Variants in PTPN3 observed in about 807,000 individuals in gnomAD.
PTPN3 encodes the protein tyrosine-protein phosphatase non-receptor type 3.
PTPN3 carries 96 observed loss-of-function variants against 132.7 expected under a neutral mutation model. The ratio of observed to expected loss-of-function variants is 0.72; its 90% confidence interval spans 0.61 to 0.86. The LOEUF (loss-of-function observed/expected upper bound fraction) is 0.86, where lower values mean the gene tolerates loss of function less well. Ranked by LOEUF, PTPN3 falls within the 40% of genes least tolerant of loss-of-function variation. PTPN3 has a pLI of 0.00. For synonymous variants in PTPN3, 398 were observed against 429.0 expected, an observed-to-expected ratio of 0.93 and a Z score of 0.89; for missense variants, 1,125 against 1,159.6, an observed-to-expected ratio of 0.97 and a Z score of 0.43.
Position 109,479,608 on chromosome 9 carries a change from C to T in PTPN3, c.-17-16157G>A, listed in dbSNP as rs143321919. Among the ~76,000 whole-genome samples the T allele has an allele frequency of 7.8e-4, 119 of 152,320 alleles. No homozygotes were observed. The Middle Eastern group carries it at 0.01, about 13-fold the overall frequency. ...TAAAATTTTTTTGAGACACAGTCTT[C>T]CTCTGTTGCCCAGGCTGGAGTGCAA... On this transcript the variant is annotated intron_variant, in intron 1 of 25. Transcript: ENST00000374541.
chr9:109,514,721 T>G, the PTPN3 span, among the ~76,000 whole-genome samples: 1 of 152,202 alleles, frequency 6.6e-6, no homozygotes, highest in Non-Finnish European at 1.5e-5. Context: ...CTATGTGACT[T>G]TGCAGTTCCT....
the PTPN3 span, among the ~76,000 whole-genome samples, chr9:109,517,414 A>G: frequency 6.6e-6 from 1 of 152,226 alleles, no homozygotes; most frequent in African/African-American, 2.4e-5. Context: ...GAATTAACCA[A>G]GTTAAGAATT....
At position 109,409,985 on chromosome 9, in the gene PTPN3, A is replaced by C; in HGVS notation, c.1578+14T>G. On this transcript the variant is annotated intron_variant, in intron 16 of 25. Transcript: ENST00000374541. ...TTCCCAGCACAAAACTTCCTTTATA[A>C]ATACACAACATACCTTAAGATTAAA... is the stretch of plus-strand genomic sequence containing the variant. 6.2e-7 allele frequency: 1 copy of C among 1,612,864 alleles called. No homozygotes were observed. The highest frequency in any genetic ancestry group is 8.5e-7 in the Non-Finnish European group (1 of 1,179,392).
At chr9:109,384,121 G>A (rs1028546614) in intron 22 of PTPN3, among the ~76,000 whole-genome samples, 22 of 152,150 alleles carry the variant, frequency 1.4e-4, no homozygotes, top group African/African-American at 4.8e-4. Flanking sequence ...AGATGGAGGT[G>A]GCTCCTGCCT....
intron 1 of PTPN3, among the ~76,000 whole-genome samples, chr9:109,493,245 A>AAAAC (rs141159233): frequency 2.6e-5 from 4 of 152,192 alleles, no homozygotes; most frequent in Non-Finnish European, 5.9e-5. Flanking sequence ...CTATATTTAA[A>AAAAC]AAACAAACAA....
At chr9:109,463,583 G>C (rs1385641839) in intron 1 of PTPN3, 132 bp from the exon 2 acceptor site, 1 of 724,824 alleles carries the variant, frequency 1.4e-6, no homozygotes, top group East Asian at 3.1e-5. Context: ...CTACATAGCA[G>C]ATCATGTTTC....
chr9:109,409,509 T>G (rs1841897930), intron 16 of PTPN3, among the ~76,000 whole-genome samples: 1 of 152,148 alleles, frequency 6.6e-6, no homozygotes, highest in African/African-American at 2.4e-5. Context: ...CTTCGGCAGC[T>G]GTTAAGGCCA....
intron 1 of PTPN3, 145 bp from the exon 2 acceptor site, chr9:109,463,596 A>G: frequency 1.5e-6 from 1 of 673,418 alleles, no homozygotes; most frequent in South Asian, 3.4e-5. Flanking sequence ...CATGTTTCCA[A>G]TTGAGTTTTG....
rs1845614034 is a variant in PTPN3 at position 109,457,291 on chromosome 9, C to G, written c.246+1G>C. 1.2e-6 allele frequency: 2 copies of G among 1,613,572 alleles called. No homozygotes were observed. The highest frequency in any genetic ancestry group is 1.7e-6 in the Non-Finnish European group (2 of 1,179,524). On this transcript the variant is annotated splice_donor_variant, in intron 3 of 25. Transcript: ENST00000374541. LOFTEE classifies it high-confidence loss of function. Reference sequence around the variant, plus strand: ...GCACATTTTTTAAAAATGGCACTTACAGGAGAGTCCACGGAGTCGTCATCA... The same window carrying G: ...GCACATTTTTTAAAAATGGCACTTAGAGGAGAGTCCACGGAGTCGTCATCA...
upstream of PTPN3, chr9:109,498,339 C>T (rs1041557107): frequency 1.4e-5 from 2 of 146,412 alleles, no homozygotes; most frequent in East Asian, 4.0e-4. The surrounding 1 kb of genome is among the most constrained non-coding windows in gnomAD (Gnocchi z 4.2). Flanking sequence ...CGGGCGGTTC[C>T]CGCCGGCCGG....
chr9:109,378,143 T>A lies in PTPN3; in HGVS notation c.*1413A>T, dbSNP rs1467532254. 1 of 152,248 alleles carries A rather than the reference T, an allele frequency of 6.6e-6. No homozygotes were observed. The highest frequency in any genetic ancestry group is 1.5e-5 in the Non-Finnish European group (1 of 68,040). The allele number at this position is 152,248 out of a possible 1,614,324, so 9.4% of individuals were successfully genotyped here. On this transcript the variant is annotated 3_prime_UTR_variant, in exon 26 of 26. Coordinates refer to ENST00000374541, the MANE Select transcript of PTPN3 (RefSeq NM_002829.4). Reference sequence around the variant, plus strand: ...AAAATGGCTTCATTTATGTGCATTATAATATGAAAACATCTTTTCTATAAA... The same window carrying A: ...AAAATGGCTTCATTTATGTGCATTAAAATATGAAAACATCTTTTCTATAAA...
chr9:109,502,822 A>G (rs182792642), upstream of PTPN3, among the ~76,000 whole-genome samples: 193 of 152,352 alleles, frequency 1.3e-3, 2 homozygotes, highest in Middle Eastern at 6.8e-3. Context: ...TTGCCATTTT[A>G]TGGGTCAAAA....
chr9:109,417,928 T>C (rs1220412223), intron 14 of PTPN3: 1 of 314,944 alleles, frequency 3.2e-6, no homozygotes, highest in Non-Finnish European at 4.6e-6. Flanking sequence ...GTGCAATGTA[T>C]AGGAACAAGC....
the PTPN3 span, among the ~76,000 whole-genome samples, chr9:109,514,348 T>C: frequency 6.6e-6 from 1 of 152,204 alleles, no homozygotes; most frequent in South Asian, 2.1e-4. Flanking sequence ...TACATACTGG[T>C]TGAAGTCCAA....
In PTPN3 at chr9:109,389,383, G is replaced by A. The variant is rs1839870724; in HGVS notation, c.2107-4C>T. On this transcript the variant is annotated splice_polypyrimidine_tract_variant and splice_region_variant and intron_variant, in intron 21 of 25. Transcript: ENST00000374541. Reference sequence around the variant, plus strand: ...GGTTAGCAGCAGGAATTTCCATCTGGTAAGAAATTGGTAAAGTATTAGAAT... The same window carrying A: ...GGTTAGCAGCAGGAATTTCCATCTGATAAGAAATTGGTAAAGTATTAGAAT... The A allele has an allele frequency of 6.2e-7, 1 of 1,612,642 alleles. No individual in the cohort carries two copies. The highest frequency in any genetic ancestry group is 1.7e-5 in the Admixed American group (1 of 59,876).
intron 14 of PTPN3, chr9:109,417,504 G>A (rs1280509375): frequency 2.4e-6 from 2 of 835,228 alleles, no homozygotes; most frequent in African/African-American, 1.9e-5. Flanking sequence ...TAAACATTTT[G>A]CAAATACTCA....
chr9:109,432,305 C>T (rs1463715898), intron 10 of PTPN3, among the ~76,000 whole-genome samples: 1 of 151,954 alleles, frequency 6.6e-6, no homozygotes, highest in Admixed American at 6.6e-5. Flanking sequence ...TCTCTTATCC[C>T]CATTCCCTAA....
Position 109,428,649 on chromosome 9 carries a change from T to G in PTPN3, c.800A>C (p.Lys267Thr). ...TTTCTGTCGCTGATGTATGAAGAAC[T>G]TTTTCCTTTTGAAAGAAATTTTGAG... ...NILKISFKRK[K>T]FFIHQRQKQA... The change falls in exon 11 of 26, where the codon AAG becomes ACG. Residue 267 changes from lysine (K) to threonine (T), a missense_variant. Lys to Thr is a moderately conservative substitution (Grantham distance 78). Coordinates refer to ENST00000374541, the MANE Select transcript of PTPN3 (RefSeq NM_002829.4). The G allele has an allele frequency of 1.2e-6, 2 of 1,613,728 alleles. No individual in the cohort carries two copies. Among genetic ancestry groups the G allele is most frequent in the Non-Finnish European group, 1.7e-6 (2 of 1,179,840 alleles).
chr9:109,379,655 T>C (rs764965522), intron 25 of PTPN3, 22 bp from the exon 26 acceptor site: 2 of 1,594,770 alleles, frequency 1.3e-6, no homozygotes, highest in South Asian at 2.2e-5. Flanking sequence ...AAAAATGCTG[T>C]CAAGTCCTGT....
Sources: gnomAD v4.1 joint callset for allele counts (sites outside exome capture counted in the v4.1 genomes callset) on GRCh38, gnomAD v4.1.1 for gene constraint, Gnocchi (gnomAD v3.1) non-coding constraint, MANE v1.5 for transcripts, NCBI Gene and HGNC (gene_info 2026-07-23, HGNC 2026-07-21) for gene names.